Variants in ITFG1 observed in about 807,000 individuals in gnomAD.
The protein encoded by ITFG1 is T-cell immunomodulatory protein.
Under a neutral mutation model 81.8 loss-of-function variants are expected in ITFG1, and 34 were observed. The ratio of observed to expected loss-of-function variants is 0.42; its 90% CI spans 0.32 to 0.55. The LOEUF is 0.55. ITFG1 is among the 20% of genes least tolerant of loss of function. The pLI, the probability that ITFG1 is intolerant of heterozygous loss-of-function variation, is 0.17. For synonymous variants in ITFG1, 285 were observed against 270.6 expected (o/e 1.05, Z -0.52); for missense variants, 672 against 755.4 (o/e 0.89, Z 1.29).
At chr16:47,371,498 C>A (rs1968253118) in intron 7 of ITFG1, among the ~76,000 whole-genome samples, 1 of 152,134 alleles carries the variant, frequency 6.6e-6, no homozygotes, top group Non-Finnish European at 1.5e-5. Context: ...GAATTCCAAC[C>A]AAATGTGTCA....
At chr16:47,341,400 G>GAAAAAAAAAAAAAAAAAAAAAAAA (rs545419792) in intron 8 of ITFG1, among the ~76,000 whole-genome samples, 1 of 64,352 alleles carries the variant, frequency 1.6e-5, no homozygotes, top group Non-Finnish European at 3.0e-5. Flanking sequence ...CTGCGCCACT[G>GAAAAAAAAAAAAAAAAAAAAAAAA]AAAAAAAAAA....
intron 17 of ITFG1, among the ~76,000 whole-genome samples, chr16:47,157,194 T>C (rs565444713): frequency 6.6e-5 from 10 of 152,018 alleles, no homozygotes; most frequent in African/African-American, 2.4e-4. Context: ...ATGGTGACAG[T>C]TGGAAATGGG....
At chr16:47,357,069 A>G (rs1241743179) in intron 8 of ITFG1, among the ~76,000 whole-genome samples, 1 of 152,138 alleles carries the variant, frequency 6.6e-6, no homozygotes, top group Non-Finnish European at 1.5e-5. Context: ...AGCTATGCAT[A>G]GTTAACAGAA....
At chr16:47,449,048 T>C (rs1969357193) in intron 5 of ITFG1, 1 of 152,234 alleles carries the variant, frequency 6.6e-6, no homozygotes, top group South Asian at 2.1e-4. Flanking sequence ...AGACTGATCA[T>C]CTGCACCTTT....
chr16:47,326,752 G>T (rs1376372223), intron 8 of ITFG1, among the ~76,000 whole-genome samples: 1 of 152,060 alleles, frequency 6.6e-6, no homozygotes, highest in African/African-American at 2.4e-5. Flanking sequence ...AAATACCTAG[G>T]AATCCAACTT....
chr16:47,164,207 T>C (rs1340772298), intron 14 of ITFG1, among the ~76,000 whole-genome samples: 1 of 151,936 alleles, frequency 6.6e-6, no homozygotes, highest in East Asian at 1.9e-4. Flanking sequence ...TGTAGTGAAT[T>C]CTGTGGATTC....
chr16:47,307,907 T>C (rs1272964794), intron 10 of ITFG1, among the ~76,000 whole-genome samples: 2 of 152,242 alleles, frequency 1.3e-5, no homozygotes, highest in Non-Finnish European at 2.9e-5. Context: ...TTTGATTTTC[T>C]GTGCCTGTGT....
chr16:47,414,566 AC>A (rs1968851433), intron 6 of ITFG1, among the ~76,000 whole-genome samples: 2 of 151,978 alleles, frequency 1.3e-5, no homozygotes, highest in African/African-American at 4.8e-5. Flanking sequence ...AACAACAACA[AC>A]AACAACAAAA....
At chr16:47,385,676 T>TC (rs976295387) in intron 6 of ITFG1, among the ~76,000 whole-genome samples, 2 of 152,218 alleles carry the variant, frequency 1.3e-5, no homozygotes, top group African/African-American at 4.8e-5. Context: ...TAATGAACCT[T>TC]CTTTTTCCTC....
chr16:47,175,440 C>T (rs926384938), intron 14 of ITFG1, among the ~76,000 whole-genome samples: 1 of 151,800 alleles, frequency 6.6e-6, no homozygotes, highest in African/African-American at 2.4e-5. Flanking sequence ...AATATATTCA[C>T]AGATAGCTTT....
At chr16:47,209,072 G>A (rs1268639101) in intron 14 of ITFG1, among the ~76,000 whole-genome samples, 1 of 152,152 alleles carries the variant, frequency 6.6e-6, no homozygotes, top group African/African-American at 2.4e-5. Context: ...TGAGCCATGA[G>A]AAAAGTATTA....
At chr16:47,249,211 A>C (rs1200774733) in intron 12 of ITFG1, among the ~76,000 whole-genome samples, 1 of 152,174 alleles carries the variant, frequency 6.6e-6, no homozygotes, top group Non-Finnish European at 1.5e-5. Context: ...TGAAGTCAGG[A>C]GTTTGAGACC....
chr16:47,219,498 G>A (rs543500767), intron 13 of ITFG1, among the ~76,000 whole-genome samples: 24 of 152,176 alleles, frequency 1.6e-4, no homozygotes, highest in African/African-American at 4.6e-4. Flanking sequence ...TCCTATTTCT[G>A]GAACATTCCT....
chr16:47,293,038 GATAT>G (rs1420893268), intron 10 of ITFG1, among the ~76,000 whole-genome samples: 1 of 147,086 alleles, frequency 6.8e-6, no homozygotes, highest in Admixed American at 6.8e-5. Flanking sequence ...ATATATATAT[GATAT>G]ATATATCATA....
intron 14 of ITFG1, among the ~76,000 whole-genome samples, chr16:47,197,923 T>A (rs975195103): frequency 3.9e-5 from 6 of 152,244 alleles, no homozygotes; most frequent in Admixed American, 3.9e-4. Flanking sequence ...TACTTCAGTA[T>A]GTTTGCCCCA....
At chr16:47,352,915 G>C (rs1967984360) in intron 8 of ITFG1, among the ~76,000 whole-genome samples, 1 of 152,138 alleles carries the variant, frequency 6.6e-6, no homozygotes, top group South Asian at 2.1e-4. Flanking sequence ...GTAGCGACAT[G>C]GATGAAGCTG....
chr16:47,174,375 A>G (rs1432745559), intron 14 of ITFG1, among the ~76,000 whole-genome samples: 1 of 152,200 alleles, frequency 6.6e-6, no homozygotes, highest in African/African-American at 2.4e-5. Context: ...ACACGCTGAT[A>G]TAACAGGTAG....
chr16:47,424,736 CCT>C (rs1968997154), intron 6 of ITFG1, among the ~76,000 whole-genome samples: 1 of 152,152 alleles, frequency 6.6e-6, no homozygotes, highest in Admixed American at 6.6e-5. Context: ...CACTCCAGAC[CCT>C]GTTTGCCTGG....
At chr16:47,214,164 G>A (rs1218935848) in intron 14 of ITFG1, among the ~76,000 whole-genome samples, 3 of 152,194 alleles carry the variant, frequency 2.0e-5, no homozygotes, top group Non-Finnish European at 4.4e-5. Context: ...TCTGGTCACA[G>A]ATGTGTTCTG....
Sources: allele counts gnomAD v4.1 joint callset (sites outside exome capture counted in the v4.1 genomes callset), GRCh38; gene constraint gnomAD v4.1.1; transcripts MANE v1.5; gene names NCBI Gene and HGNC (gene_info 2026-07-23, HGNC 2026-07-21).